COPG2: variants seen among roughly 807,000 people sequenced by gnomAD.
COPG2 encodes the protein coat protein complex I subunit gamma 2, also known as coatomer subunit gamma-2.
In COPG2, 37 loss-of-function variants were observed where a neutral mutation model predicts 46.3. The observed-to-expected ratio is 0.80, with a 90% CI of 0.61 to 1.05. COPG2 has a LOEUF of 1.05. Ranked by LOEUF, COPG2 falls within the 50% of genes least tolerant of loss-of-function variation. The probability of loss-of-function intolerance (pLI) is 0.00; values close to 1 mark genes in which losing one functional copy is unlikely to be tolerated. For synonymous variants in COPG2, 159 were observed against 129.7 expected, an observed-to-expected ratio of 1.23 and a Z score of -1.53; for missense variants, 427 against 387.8, an observed-to-expected ratio of 1.10 and a Z score of -0.85.
intron 5 of COPG2, among the ~76,000 whole-genome samples, chr7:130,640,158 CTTTTTTTTTT>C (rs11431866): frequency 4.1e-5 from 4 of 96,498 alleles, no homozygotes; most frequent in South Asian, 9.0e-4. Flanking sequence ...CACCACCAAC[CTTTTTTTTTT>C]TTTTTTTTTT....
intron 9 of COPG2, among the ~76,000 whole-genome samples, chr7:130,568,253 C>G (rs1258539804): frequency 6.6e-6 from 1 of 152,012 alleles, no homozygotes; most frequent in East Asian, 1.9e-4. Flanking sequence ...CCAGCCTGGG[C>G]AACAGGAGCG....
At chr7:130,578,636 T>C (rs1357697438) in intron 9 of COPG2, among the ~76,000 whole-genome samples, 2 of 151,440 alleles carry the variant, frequency 1.3e-5, no homozygotes, top group African/African-American at 4.9e-5. Flanking sequence ...GAATAACCAA[T>C]ACAGAGAAGT....
chr7:130,506,969 A>ATATTT (rs1799505102), intron 23 of COPG2, among the ~76,000 whole-genome samples, 163 bp from the exon 24 acceptor site: 1 of 152,222 alleles, frequency 6.6e-6, no homozygotes, highest in Admixed American at 6.5e-5. Flanking sequence ...CCAAATATAT[A>ATATTT]TATTTTTATA....
chr7:130,559,228 G>A (rs1439720200), intron 12 of COPG2, among the ~76,000 whole-genome samples: 3 of 152,024 alleles, frequency 2.0e-5, no homozygotes, highest in Non-Finnish European at 2.9e-5. Context: ...AAGAAAATGC[G>A]GAAAATGCAG....
chr7:130,596,043 G>A (rs1387443328), intron 9 of COPG2, among the ~76,000 whole-genome samples: 1 of 152,214 alleles, frequency 6.6e-6, no homozygotes, highest in Non-Finnish European at 1.5e-5. Context: ...AAATGGAGGT[G>A]GGAAGGCTTT....
intron 9 of COPG2, among the ~76,000 whole-genome samples, chr7:130,574,563 T>G (rs781871976): frequency 6.6e-6 from 1 of 152,102 alleles, no homozygotes; most frequent in Non-Finnish European, 1.5e-5. Context: ...CGCCTAGACC[T>G]TCCCTCTGAC....
Position 130,584,409 on chromosome 7 carries a change from G to A in COPG2, c.738-20016C>T, listed in dbSNP as rs190513572. On this transcript the variant is annotated intron_variant, in intron 9 of 23. Transcript: ENST00000425248. ...CCTCTGAGAACTGAAACAAGATAAC[G>A]ATGCCCACTCTCACCACGCCTCTTC... Among the ~76,000 whole-genome samples, 16 of 152,018 alleles carry A rather than the reference G, an allele frequency of 1.1e-4. No individual in the cohort carries two copies. In the East Asian group the frequency reaches 1.5e-3, roughly 15 times the overall value.
At chr7:130,556,623 C>G (rs1584972455) in intron 12 of COPG2, among the ~76,000 whole-genome samples, 1 of 151,664 alleles carries the variant, frequency 6.6e-6, no homozygotes, top group African/African-American at 2.4e-5. Context: ...TTATAAATAC[C>G]GATGTAAAAA....
intron 20 of COPG2, among the ~76,000 whole-genome samples, chr7:130,535,425 A>G (rs1408576793): frequency 6.6e-6 from 1 of 151,808 alleles, no homozygotes; most frequent in Non-Finnish European, 1.5e-5. Context: ...GCCACAGGTG[A>G]AGCGAGGTGA....
At chr7:130,573,324 G>C (rs1793941526) in intron 9 of COPG2, among the ~76,000 whole-genome samples, 1 of 150,788 alleles carries the variant, frequency 6.6e-6, no homozygotes, top group East Asian at 1.9e-4. Flanking sequence ...AATGAGAAAA[G>C]AACATTTACT....
At chr7:130,598,658 AACT>A (rs1554450017) in intron 9 of COPG2, among the ~76,000 whole-genome samples, 2 of 152,140 alleles carry the variant, frequency 1.3e-5, no homozygotes, top group African/African-American at 4.8e-5. Flanking sequence ...ATGAGGCCCT[AACT>A]GGGCCAAAGC....
At chr7:130,510,756 A>T (rs1799581619) in intron 20 of COPG2, among the ~76,000 whole-genome samples, 1 of 152,176 alleles carries the variant, frequency 6.6e-6, no homozygotes, top group African/African-American at 2.4e-5. Context: ...TTTGATTGAT[A>T]CAATGAGAGG....
intron 9 of COPG2, chr7:130,610,417 C>T (rs910189354): frequency 4.8e-5 from 19 of 396,886 alleles, no homozygotes; most frequent in African/African-American, 3.2e-4. Flanking sequence ...TGTTTTAGAG[C>T]TCAGCCATAA....
intron 20 of COPG2, among the ~76,000 whole-genome samples, chr7:130,513,341 A>ATATATATATATGTG (rs1215646008): frequency 7.6e-4 from 39 of 51,514 alleles, no homozygotes; most frequent in Non-Finnish European, 1.2e-3. Context: ...ATATATATAT[A>ATATATATATATGTG]TGTGTGTGTG....
At chr7:130,650,159 G>A (rs1265469841) in intron 5 of COPG2, among the ~76,000 whole-genome samples, 2 of 151,900 alleles carry the variant, frequency 1.3e-5, no homozygotes, top group Non-Finnish European at 1.5e-5. Flanking sequence ...TCTTACTGAC[G>A]CCTCTTCTGC....
At chr7:130,634,560 G>T (rs1170825911) in intron 5 of COPG2, among the ~76,000 whole-genome samples, 1 of 152,164 alleles carries the variant, frequency 6.6e-6, no homozygotes, top group African/African-American at 2.4e-5. Flanking sequence ...TTTGCACACT[G>T]ATTTTGTACC....
intron 5 of COPG2, among the ~76,000 whole-genome samples, chr7:130,624,443 A>AG (rs1554454031): frequency 6.6e-6 from 1 of 152,032 alleles, no homozygotes; most frequent in Non-Finnish European, 1.5e-5. Flanking sequence ...CAATAGTTTT[A>AG]GGGGTACAGG....
chr7:130,658,808 G>T (rs922681889), intron 4 of COPG2, among the ~76,000 whole-genome samples: 7 of 151,874 alleles, frequency 4.6e-5, no homozygotes, highest in Non-Finnish European at 1.0e-4. Context: ...AGCCTCCCAA[G>T]TAGCTGGGAT....
At chr7:130,523,119 CAAA>C (rs1308994776) in intron 20 of COPG2, among the ~76,000 whole-genome samples, 15 of 57,536 alleles carry the variant, frequency 2.6e-4, no homozygotes, top group African/African-American at 1.2e-3. Flanking sequence ...ACTCTTCTCT[CAAA>C]AAAAAAAAAA....
Sources: gnomAD v4.1 joint callset for allele counts (sites outside exome capture counted in the v4.1 genomes callset) on GRCh38, gnomAD v4.1.1 for gene constraint, MANE v1.5 for transcripts, NCBI Gene and HGNC (gene_info 2026-07-23, HGNC 2026-07-21) for gene names.